SRGAP3: variants seen among roughly 807,000 people sequenced by gnomAD.
SRGAP3 encodes the protein SLIT-ROBO Rho GTPase activating protein 3.
A neutral mutation model predicts 121.1 loss-of-function variants in SRGAP3; 39 were observed. The observed-to-expected ratio is 0.32, with a 90% CI of 0.25 to 0.42. The LOEUF (loss-of-function observed/expected upper bound fraction) is 0.42, where lower values mean the gene tolerates loss of function less well. SRGAP3 is among the 10% of genes least tolerant of loss of function. SRGAP3 has a pLI of 1.00. For missense variants in SRGAP3, 1,213 were observed against 1,470.6 expected, an observed-to-expected ratio of 0.82 and a Z score of 2.86; for synonymous variants, 601 against 570.0, an observed-to-expected ratio of 1.05 and a Z score of -0.77.
chr3:8,994,205 C>A, intron 19 of SRGAP3, 138 bp downstream of exon 19: 1 of 1,109,334 alleles, frequency 9.0e-7, no homozygotes, highest in South Asian at 1.3e-5. Flanking sequence ...AGATATTACC[C>A]ATTGTTAGAG....
chr3:9,006,912 C>CA (rs1943107557), intron 18 of SRGAP3: 1 of 150,272 alleles, frequency 6.7e-6, no homozygotes, highest in South Asian at 2.1e-4. Flanking sequence ...CCAGACTTAT[C>CA]AGACTCAAGA....
At chr3:9,358,818 CAGATGA>C (rs2030653482) in intron 1 of SRGAP3, among the ~76,000 whole-genome samples, 1 of 152,162 alleles carries the variant, frequency 6.6e-6, no homozygotes, top group Non-Finnish European at 1.5e-5. Flanking sequence ...ACAAAGGATA[CAGATGA>C]AGAGATGCAT....
At chr3:9,010,172 G>T in intron 18 of SRGAP3, 136 bp downstream of exon 18, 1 of 1,058,820 alleles carries the variant, frequency 9.4e-7, no homozygotes, top group Non-Finnish European at 1.4e-6. Context: ...CGGGGTCTTC[G>T]TCTATTCTGA....
At chr3:9,331,652 G>A (rs1323170539) in intron 1 of SRGAP3, among the ~76,000 whole-genome samples, 1 of 152,206 alleles carries the variant, frequency 6.6e-6, no homozygotes, top group East Asian at 1.9e-4. Flanking sequence ...AGTTGGCCTT[G>A]AGACTTGCTT....
At chr3:9,114,589 T>A (rs1948739320) in intron 2 of SRGAP3, among the ~76,000 whole-genome samples, 1 of 152,198 alleles carries the variant, frequency 6.6e-6, no homozygotes, top group Admixed American at 6.5e-5. Flanking sequence ...AGGGTACACG[T>A]TGGTGTCTGG....
At chr3:9,177,096 G>T (rs1325428374) in intron 1 of SRGAP3, among the ~76,000 whole-genome samples, 1 of 152,106 alleles carries the variant, frequency 6.6e-6, no homozygotes, top group Non-Finnish European at 1.5e-5. Context: ...GGAAGTGTAT[G>T]CAACTAAAAC....
chr3:9,141,954 T>C (rs929035229), intron 1 of SRGAP3, among the ~76,000 whole-genome samples: 3 of 152,202 alleles, frequency 2.0e-5, no homozygotes, highest in Admixed American at 1.3e-4. Context: ...ACAAAATCAT[T>C]ATCGTTGCCT....
intron 3 of SRGAP3, among the ~76,000 whole-genome samples, chr3:9,098,416 C>T (rs932437178): frequency 2.0e-5 from 3 of 152,142 alleles, no homozygotes; most frequent in Non-Finnish European, 4.4e-5. Context: ...GGACCACAGG[C>T]AAATGCCACC....
In SRGAP3 at chr3:9,036,578, CAAA is replaced by C. The variant is rs1176936384; in HGVS notation, c.1436+1482_1436+1484del. On this transcript the variant is annotated intron_variant, in intron 11 of 21. Coordinates refer to ENST00000383836, the MANE Select transcript of SRGAP3 (RefSeq NM_014850.4). ...ATTTAAAACACAAAACAAAACAAAA[CAAA>C]ACAAAACAAAACACACAAACCCTCA... 7.9e-5 allele frequency: 12 copies of C among 152,302 alleles called. No homozygotes were observed. In the East Asian group the frequency reaches 2.3e-3, roughly 30 times the overall value. The allele number at this position is 152,302 out of a possible 1,614,324, so 9.4% of individuals were successfully genotyped here.
intron 3 of SRGAP3, chr3:9,292,724 T>A (rs1263648945): frequency 6.6e-6 from 1 of 152,170 alleles, no homozygotes; most frequent in Non-Finnish European, 1.5e-5. Flanking sequence ...AGCCTGTGCA[T>A]CTAATATCTA....
chr3:9,289,304 G>A (rs1051154859), intron 3 of SRGAP3, among the ~76,000 whole-genome samples: 8 of 152,152 alleles, frequency 5.3e-5, no homozygotes, highest in Non-Finnish European at 1.2e-4. Flanking sequence ...ACCATCTGCA[G>A]TCTCCATGGA....
At chr3:9,280,750 G>C (rs1954660754) in intron 3 of SRGAP3, among the ~76,000 whole-genome samples, 1 of 152,158 alleles carries the variant, frequency 6.6e-6, no homozygotes, top group African/African-American at 2.4e-5. Flanking sequence ...TGCAGAATCT[G>C]CTTTCTCTCC....
At chr3:9,123,791 G>T (rs1421047137) in intron 2 of SRGAP3, among the ~76,000 whole-genome samples, 1 of 138,426 alleles carries the variant, frequency 7.2e-6, no homozygotes, top group African/African-American at 3.1e-5. Context: ...TATACACAGA[G>T]AGAGAGAGAG....
intron 9 of SRGAP3, among the ~76,000 whole-genome samples, chr3:9,052,072 A>T (rs1945606024): frequency 6.6e-6 from 1 of 152,234 alleles, no homozygotes; most frequent in South Asian, 2.1e-4. Context: ...TAGAAGAGGC[A>T]TCAGCACATG....
rs1188173542 is a variant in SRGAP3, at chr3:8,983,434, C to T, written c.*2085G>A. 2.6e-5 allele frequency: 6 copies of T among 229,712 alleles called. No homozygotes were observed. The highest frequency in any genetic ancestry group is 5.2e-5 in the Non-Finnish European group (6 of 116,038). The allele number at this position is 229,712 out of a possible 1,614,324, so 14.2% of individuals were successfully genotyped here. On this transcript the variant is annotated 3_prime_UTR_variant, in exon 22 of 22. Coordinates refer to ENST00000383836, the MANE Select transcript of SRGAP3 (RefSeq NM_014850.4). ...CTGTGGGGTGTCAAGTCCAGTCCTT[C>T]AGACGAGGTAGTGGCTTTACCCTCC... is the stretch of plus-strand genomic sequence containing the variant.
chr3:9,137,431 C>G (rs113420267), intron 1 of SRGAP3, among the ~76,000 whole-genome samples: 7 of 152,208 alleles, frequency 4.6e-5, no homozygotes, highest in African/African-American at 1.7e-4. Flanking sequence ...CACACTGATT[C>G]TCACCACTAC....
At chr3:9,211,478 AC>A (rs1356208319) in intron 1 of SRGAP3, among the ~76,000 whole-genome samples, 4 of 152,150 alleles carry the variant, frequency 2.6e-5, no homozygotes, top group Admixed American at 2.6e-4. Context: ...CCCAGTGTTA[AC>A]CTCAGTGTTT....
chr3:9,145,915 G>A (rs748724183), intron 1 of SRGAP3, among the ~76,000 whole-genome samples: 1 of 152,190 alleles, frequency 6.6e-6, no homozygotes, highest in Non-Finnish European at 1.5e-5. Flanking sequence ...AGGGACTGGC[G>A]AGGGGTTCAA....
chr3:9,208,713 G>C (rs561831226), intron 1 of SRGAP3, among the ~76,000 whole-genome samples: 1 of 152,320 alleles, frequency 6.6e-6, no homozygotes, highest in African/African-American at 2.4e-5. Context: ...CAGGAAGGGA[G>C]GATGGAGGGA....
Sources: gnomAD v4.1 joint callset for allele counts (sites outside exome capture counted in the v4.1 genomes callset) on GRCh38, gnomAD v4.1.1 for gene constraint, MANE v1.5 for transcripts, NCBI Gene and HGNC (gene_info 2026-07-23, HGNC 2026-07-21) for gene names.